SDK1: variants seen among roughly 807,000 people sequenced by gnomAD.
The protein encoded by SDK1 is sidekick cell adhesion molecule 1.
Under a neutral mutation model 245.5 loss-of-function variants are expected in SDK1, and 157 were observed. That is an observed-to-expected ratio of 0.64 (90% confidence interval 0.56 to 0.73). The LOEUF is 0.73. SDK1 is among the 30% of genes least tolerant of loss of function. The pLI is 0.00. For missense variants in SDK1, 3,583 were observed against 3,002.3 expected, an observed-to-expected ratio of 1.19 and a Z score of -4.52; for synonymous variants, 1,647 against 1,278.5, an observed-to-expected ratio of 1.29 and a Z score of -6.15.
intron 1 of SDK1, among the ~76,000 whole-genome samples, chr7:3,317,090 A>G (rs1779682017): frequency 7.0e-6 from 1 of 143,188 alleles, no homozygotes; most frequent in Non-Finnish European, 1.5e-5. Flanking sequence ...CTGAGGTGGG[A>G]GAATCACTTG....
At chr7:3,713,843 C>G (rs546596516) in intron 4 of SDK1, among the ~76,000 whole-genome samples, 2 of 152,236 alleles carry the variant, frequency 1.3e-5, no homozygotes, top group Non-Finnish European at 2.9e-5. Flanking sequence ...TTGACAAGTC[C>G]TATATCAAGT....
intron 4 of SDK1, among the ~76,000 whole-genome samples, chr7:3,734,332 G>T (rs1021122657): frequency 7.2e-5 from 11 of 152,116 alleles, no homozygotes; most frequent in African/African-American, 2.4e-4. Context: ...AAATCCACAT[G>T]GACATACCTA....
chr7:4,237,799 C>A lies in SDK1; in HGVS notation c.6130+15C>A, dbSNP rs200341240. 6.2e-7 allele frequency: 1 copy of A among 1,613,940 alleles called. No homozygotes were observed. Among genetic ancestry groups the A allele is most frequent in the South Asian group, 1.1e-5 (1 of 91,048 alleles). On this transcript the variant is annotated intron_variant, in intron 42 of 44. Coordinates refer to ENST00000404826, the MANE Select transcript of SDK1 (RefSeq NM_152744.4). ...CTGCAGCACAGGTGCAGGTCCAGCC[C>A]CTTCCTCGCGTGTCCCACGATGCCA... is the stretch of plus-strand genomic sequence containing the variant.
intron 7 of SDK1, among the ~76,000 whole-genome samples, chr7:3,953,102 CA>C (rs1447693494): frequency 1.4e-5 from 2 of 145,792 alleles, no homozygotes; most frequent in East Asian, 4.0e-4. Context: ...CAGGAAAATT[CA>C]AATAAGAAAA....
chr7:4,078,978 G>A (rs1358414637), intron 21 of SDK1, among the ~76,000 whole-genome samples: 2 of 152,116 alleles, frequency 1.3e-5, no homozygotes, highest in Admixed American at 1.3e-4. Flanking sequence ...GGGAGCAGGC[G>A]ATCCTGACCG....
chr7:3,785,449 C>T (rs560102600), intron 4 of SDK1, among the ~76,000 whole-genome samples: 5 of 151,968 alleles, frequency 3.3e-5, no homozygotes, highest in East Asian at 3.9e-4. Context: ...TACTTTGTAC[C>T]CCATACATTT....
Position 4,266,864 on chromosome 7 carries a change from G to T in SDK1, c.*1480G>T, listed in dbSNP as rs1020901972. ...CACAAGACTCAAGACCACCCTGTCA[G>T]TGCCCCCCAGTGCACGGCAAACGGG... On this transcript the variant is annotated 3_prime_UTR_variant, in exon 45 of 45. Transcript: ENST00000404826. The T allele has an allele frequency of 4.1e-6, 4 of 985,430 alleles. No homozygotes were observed. Among genetic ancestry groups the T allele is most frequent in the East Asian group, 1.1e-4 (1 of 8,826 alleles). 61.0% of individuals were successfully genotyped at this position (985,430 alleles called of 1,614,324 possible).
intron 22 of SDK1, among the ~76,000 whole-genome samples, chr7:4,095,723 CCACCA>C (rs1782112161): frequency 1.3e-5 from 2 of 152,180 alleles, no homozygotes; most frequent in African/African-American, 4.8e-5. Context: ...CAGGCACTCG[CCACCA>C]CACCTGGCTA....
In SDK1 at chr7:4,268,222, C is replaced by G. The variant is rs117619548; in HGVS notation, c.*2838C>G. On this transcript the variant is annotated 3_prime_UTR_variant, in exon 45 of 45. Coordinates refer to ENST00000404826, the MANE Select transcript of SDK1 (RefSeq NM_152744.4). The stretch of plus-strand genomic sequence containing the variant: ...TTCAGATTGCTTCGGCCCCACCCTG[C>G]AAGGATGTGGTCACGGAGTGGCCAG... 3.8e-3 allele frequency: 3,729 copies of G among 990,494 alleles called. 18 individuals are homozygous for G. The highest frequency in any genetic ancestry group is 0.02 in the South Asian group (445 of 21,714). 61.4% of individuals were successfully genotyped at this position (990,494 alleles called of 1,614,324 possible). A position where few individuals can be genotyped will look rare whatever the true frequency, so the allele number is the denominator to read the frequency against.
chr7:3,542,503 C>G (rs926328131), intron 1 of SDK1, among the ~76,000 whole-genome samples: 12 of 152,160 alleles, frequency 7.9e-5, no homozygotes, highest in Non-Finnish European at 1.5e-4. Flanking sequence ...TGGGAGACAT[C>G]GTTGTGTGCC....
chr7:3,321,840 T>C (rs1168774146), intron 1 of SDK1, among the ~76,000 whole-genome samples: 1,849 of 118,872 alleles, frequency 0.016, 104 homozygotes, highest in African/African-American at 0.061. Context: ...TCCTTTTCTC[T>C]CTCTCTCTCT....
At chr7:3,923,106 A>G (rs1445732342) in intron 5 of SDK1, among the ~76,000 whole-genome samples, 1 of 152,200 alleles carries the variant, frequency 6.6e-6, no homozygotes, top group African/African-American at 2.4e-5. Flanking sequence ...TTCTGATCTC[A>G]GATGATTCCA....
chr7:3,789,357 AGGCTG>A (rs1781010895), intron 4 of SDK1, among the ~76,000 whole-genome samples: 1 of 152,202 alleles, frequency 6.6e-6, no homozygotes, highest in African/African-American at 2.4e-5. Context: ...CATGTTGGTC[AGGCTG>A]GTCTCCAACC....
At chr7:3,730,381 C>G (rs371977901) in intron 4 of SDK1, among the ~76,000 whole-genome samples, 4 of 152,138 alleles carry the variant, frequency 2.6e-5, no homozygotes, top group Non-Finnish European at 2.9e-5. Context: ...TGGAGTGAAG[C>G]CAGTGAATAG....
intron 4 of SDK1, among the ~76,000 whole-genome samples, chr7:3,755,902 C>A (rs570995679): frequency 1.4e-4 from 21 of 151,644 alleles, no homozygotes; most frequent in Admixed American, 5.9e-4. Flanking sequence ...TGTTTTGAAT[C>A]TGACTCACAT....
chr7:3,763,519 G>T lies in SDK1; in HGVS notation c.714-57931G>T, dbSNP rs557660215. 6.6e-5 allele frequency among the ~76,000 whole-genome samples: 10 copies of T among 152,222 alleles called. No individual in the cohort carries two copies. In the South Asian group the frequency reaches 2.1e-3, roughly 32 times the overall value. On this transcript the variant is annotated intron_variant, in intron 4 of 44. Coordinates refer to ENST00000404826, the MANE Select transcript of SDK1 (RefSeq NM_152744.4). ...ATCTTATTTGATACATTTCAAAGCT[G>T]CAGGCATCAGTACACGTTGCCCCTA...
chr7:4,042,430 G>T (rs1168716268), intron 17 of SDK1, among the ~76,000 whole-genome samples: 2 of 136,894 alleles, frequency 1.5e-5, no homozygotes, highest in South Asian at 2.2e-4. Context: ...TTTGTCATTG[G>T]CTGTGAGCAT....
rs549166874 is a variant in SDK1, at chr7:3,859,436, G to T, written c.847+37853G>T. Among the ~76,000 whole-genome samples, 12 of 150,728 alleles carry T rather than the reference G, an allele frequency of 8.0e-5. No individual in the cohort carries two copies. In the South Asian group the frequency reaches 1.1e-3, roughly 13 times the overall value. On this transcript the variant is annotated intron_variant, in intron 5 of 44. Coordinates refer to ENST00000404826, the MANE Select transcript of SDK1 (RefSeq NM_152744.4). Reference sequence around the variant, plus strand: ...AAAACCTCAACTCACGCTGGTTTTGGTTTTTTTTTCAGTAAGGTAATTAAA... The same window carrying T: ...AAAACCTCAACTCACGCTGGTTTTGTTTTTTTTTTCAGTAAGGTAATTAAA...
At chr7:3,506,059 T>G (rs75193156) in intron 1 of SDK1, among the ~76,000 whole-genome samples, 3,516 of 152,312 alleles carry the variant, frequency 0.023, 150 homozygotes, top group African/African-American at 0.08. Context: ...CACCCACATT[T>G]ACCATTCATC....
Sources: allele counts gnomAD v4.1 joint callset (sites outside exome capture counted in the v4.1 genomes callset), GRCh38; gene constraint gnomAD v4.1.1; transcripts MANE v1.5; gene names NCBI Gene and HGNC (gene_info 2026-07-23, HGNC 2026-07-21).